MRPL16: variants seen among roughly 807,000 people sequenced by gnomAD.
The protein encoded by MRPL16 is large ribosomal subunit protein uL16m.
Under a neutral mutation model 22.7 loss-of-function variants are expected in MRPL16, and 17 were observed. That is an observed-to-expected ratio of 0.75 (90% CI 0.51 to 1.12). The LOEUF (loss-of-function observed/expected upper bound fraction) is 1.12. MRPL16 is among the 50% of genes most tolerant of loss of function. MRPL16 has a pLI of 0.00. For synonymous variants in MRPL16, 103 were observed against 112.8 expected, an observed-to-expected ratio of 0.91 and a Z score of 0.55; for missense variants, 316 against 328.7, an observed-to-expected ratio of 0.96 and a Z score of 0.30.
At chr11:59,806,883 A>G in intron 3 of MRPL16, 51 bp from the exon 4 acceptor site, 1 of 1,560,718 alleles carries the variant, frequency 6.4e-7, no homozygotes, top group Non-Finnish European at 8.7e-7. Flanking sequence ...GACATCATCT[A>G]TGGGCTCATT....
intron 1 of MRPL16, chr11:59,810,380 C>G: frequency 7.2e-7 from 1 of 1,393,194 alleles, no homozygotes; most frequent in Non-Finnish European, 9.3e-7. Flanking sequence ...AAGGCTCAGG[C>G]TCCGCAAAAG....
At position 59,807,782 on chromosome 11, in the gene MRPL16, TCTTA is replaced by T; in HGVS notation, c.185_188del (p.Val62GlufsTer7). On this transcript the variant is annotated frameshift_variant, in exon 3 of 4. Coordinates refer to ENST00000300151, the MANE Select transcript of MRPL16 (RefSeq NM_017840.4). LOFTEE classifies it high-confidence loss of function. The stretch of plus-strand genomic sequence containing the variant: ...TGTCACTTAAATTTTTAGGTTCTCT[TCTTA>T]CTTTTGGCACAAGTGGTGCCCTTTC... 6.2e-7 allele frequency: 1 copy of T among 1,613,760 alleles called. No homozygotes were observed. Among genetic ancestry groups the T allele is most frequent in the Non-Finnish European group, 8.5e-7 (1 of 1,179,828 alleles).
intron 2 of MRPL16, chr11:59,808,645 T>A (rs575587555): frequency 6.6e-6 from 1 of 152,348 alleles, no homozygotes; most frequent in East Asian, 1.9e-4. Flanking sequence ...CCTCTCTGGA[T>A]GTTAATGGGG....
At chr11:59,807,179 A>G (rs962391654) in intron 3 of MRPL16, 4 of 248,052 alleles carry the variant, frequency 1.6e-5, no homozygotes, top group African/African-American at 4.5e-5. Context: ...ACAGAAGCCA[A>G]TGTGGCTGGA....
rs1866093402 is a variant in MRPL16 at position 59,806,501 on chromosome 11, T to C, written c.602A>G (p.Asp201Gly). 2 of 1,614,130 alleles carry C rather than the reference T, an allele frequency of 1.2e-6. No individual in the cohort carries two copies. Among genetic ancestry groups the C allele is most frequent in the African/African-American group, 2.7e-5 (2 of 74,950 alleles). ...GTTGTTACGTTCTCTTTCCTCTTGA[T>C]CTTTTCGCATCTTCTCTAGAGTCCC... ...SRGTLEKMRKDQEERERNNQN... is the reference protein window; with the variant it reads ...SRGTLEKMRKGQEERERNNQN... Residue 201 changes from aspartate to glycine, a missense_variant, in exon 4 of 4, where the codon GAT becomes GGT. Transcript: ENST00000300151.
intron 2 of MRPL16, 149 bp downstream of exon 2, chr11:59,809,706 T>C (rs889152398): frequency 5.2e-6 from 4 of 769,790 alleles, no homozygotes; most frequent in Middle Eastern, 3.6e-4. Context: ...CTCAGAATAT[T>C]AGTTGGCAAA....
Position 59,806,329 on chromosome 11 carries a change from A to C in MRPL16, c.*18T>G. 2 of 1,609,506 alleles carry C rather than the reference A, an allele frequency of 1.2e-6. No individual in the cohort carries two copies. Among genetic ancestry groups the C allele is most frequent in the Non-Finnish European group, 8.5e-7 (1 of 1,176,516 alleles). Reference sequence around the variant, plus strand: ...ATCCTTCTTTCAGTAGCCTATATACAGTTATCTCCTACACTCACTACACAC... The same window carrying C: ...ATCCTTCTTTCAGTAGCCTATATACCGTTATCTCCTACACTCACTACACAC... On this transcript the variant is annotated 3_prime_UTR_variant, in exon 4 of 4. Coordinates refer to ENST00000300151, the MANE Select transcript of MRPL16 (RefSeq NM_017840.4).
chr11:59,810,049 A>T (rs1866157443), intron 1 of MRPL16, 129 bp from the exon 2 acceptor site: 1 of 812,030 alleles, frequency 1.2e-6, no homozygotes. Flanking sequence ...TCTGTCGCCC[A>T]GGATCCAGTG....
At chr11:59,810,512 G>C (rs1478167576) in intron 1 of MRPL16, 92 bp downstream of exon 1, 1 of 1,581,966 alleles carries the variant, frequency 6.3e-7, no homozygotes, top group Non-Finnish European at 8.6e-7. Context: ...CCAAGCATAT[G>C]CAGAGCCGCC....
Position 59,807,246 on chromosome 11 carries a change from T to C in MRPL16, c.271-414A>G, listed in dbSNP as rs535536840. 1.7e-3 allele frequency: 317 copies of C among 187,316 alleles called. 1 individual carries two copies. Among genetic ancestry groups the C allele is most frequent in the Non-Finnish European group, 3.1e-3 (274 of 89,354 alleles). The allele number at this position is 187,316 out of a possible 1,614,324, so 11.6% of individuals were successfully genotyped here. A position where few individuals can be genotyped will look rare whatever the true frequency, so the allele number is the denominator to read the frequency against. On this transcript the variant is annotated intron_variant, in intron 3 of 3. Transcript: ENST00000300151. The stretch of plus-strand genomic sequence containing the variant: ...GGTTCTGAGAGGTCAGTGGGGGTGA[T>C]TATGTAGGCTGCAGGAAGAGGACTT...
rs1359217474 is a variant in MRPL16, at chr11:59,806,786, C to G, written c.317G>C (p.Arg106Pro). The part of the protein sequence containing the change: ...YLHWGHFEMM[R>P]LTINRSMDPK... Reference sequence around the variant, plus strand: ...GTCCATAGAGCGGTTGATTGTCAGGCGCATCATTTCAAAGTGGCCCCAATG... The same window carrying G: ...GTCCATAGAGCGGTTGATTGTCAGGGGCATCATTTCAAAGTGGCCCCAATG... Residue 106 changes from arginine to proline, a missense_variant, in exon 4 of 4, where the codon CGC becomes CCC. Physicochemically the swap from Arg to Pro is moderately radical, Grantham distance 103 (BLOSUM62 -2). Coordinates refer to ENST00000300151, the MANE Select transcript of MRPL16 (RefSeq NM_017840.4). 6.2e-7 allele frequency: 1 copy of G among 1,612,340 alleles called. No homozygotes were observed. The highest frequency in any genetic ancestry group is 8.5e-7 in the Non-Finnish European group (1 of 1,178,432).
chr11:59,806,497 T>C lies in MRPL16; in HGVS notation c.606A>G (p.Gln202=). 2 of 1,614,258 alleles carry C rather than the reference T, an allele frequency of 1.2e-6. No homozygotes were observed. Among genetic ancestry groups the C allele is most frequent in the Non-Finnish European group, 1.7e-6 (2 of 1,180,044 alleles). Residue 202 remains glutamine, a synonymous_variant, in exon 4 of 4, where the codon CAA becomes CAG. Coordinates refer to ENST00000300151, the MANE Select transcript of MRPL16 (RefSeq NM_017840.4). ...RGTLEKMRKD[Q]EERERNNQNP... ...TCTGGTTGTTACGTTCTCTTTCCTC[T>C]TGATCTTTTCGCATCTTCTCTAGAG...
chr11:59,809,577 C>T (rs1866152031), intron 2 of MRPL16: 2 of 376,680 alleles, frequency 5.3e-6, no homozygotes, highest in Non-Finnish European at 9.5e-6. Flanking sequence ...TGACTACTGG[C>T]TGAGTGGACC....
Position 59,809,865 on chromosome 11 carries a change from T to C in MRPL16, c.111A>G (p.Pro37=). Residue 37 remains proline (P), a synonymous_variant, in exon 2 of 4, where the codon CCA becomes CCG. Transcript: ENST00000300151. ...AAGACAAGCTCTCACCTTCAAAACT[T>C]GGTACTGGGAGCAGTGTCTTTACGC... is the stretch of plus-strand genomic sequence containing the variant. ...SAGVKTLLPV[P]SFEDVSIPEK... 1 of 1,612,988 alleles carries C rather than the reference T, an allele frequency of 6.2e-7. No individual in the cohort carries two copies. Among genetic ancestry groups the C allele is most frequent in the Non-Finnish European group, 8.5e-7 (1 of 1,179,528 alleles).
At chr11:59,810,476 T>C (rs1866162668) in intron 1 of MRPL16, 128 bp downstream of exon 1, 4 of 1,507,014 alleles carry the variant, frequency 2.7e-6, no homozygotes, top group Non-Finnish European at 2.7e-6. Flanking sequence ...GGCGGTGCGA[T>C]AGCGTAGTTC....
chr11:59,806,543 G>T lies in MRPL16; in HGVS notation c.560C>A (p.Ala187Glu). ...DQVAHKLPFA[A>E]KAVSRGTLEK... ...TAGAGTCCCGCGGCTCACAGCCTTT[G>T]CTGCGAAGGGCAACTTGTGGGCAAC... Residue 187 changes from alanine to glutamate, a missense_variant, in exon 4 of 4, where the codon GCA becomes GAA. Physicochemically the swap from Ala to Glu is moderately radical, Grantham distance 107. Transcript: ENST00000300151. 1 of 1,614,230 alleles carries T rather than the reference G, an allele frequency of 6.2e-7. No homozygotes were observed. Among genetic ancestry groups the T allele is most frequent in the Non-Finnish European group, 8.5e-7 (1 of 1,180,046 alleles).
At chr11:59,810,122 C>T in intron 1 of MRPL16, 1 of 633,098 alleles carries the variant, frequency 1.6e-6, no homozygotes, top group Non-Finnish European at 2.4e-6. Flanking sequence ...TCTCCTGCCT[C>T]AGCCTCCGGA....
In MRPL16 at chr11:59,806,295, A is replaced by G; in HGVS notation, c.*52T>C. The G allele has an allele frequency of 6.4e-7, 1 of 1,574,644 alleles. No individual in the cohort carries two copies. The highest frequency in any genetic ancestry group is 8.6e-7 in the Non-Finnish European group (1 of 1,156,112). On this transcript the variant is annotated 3_prime_UTR_variant, in exon 4 of 4. Transcript: ENST00000300151. ...TCAGTGGGTAGGCTGAGGGGAATAG[A>G]AATGCAGAATCCTTCTTTCAGTAGC... is the stretch of plus-strand genomic sequence containing the variant.
At position 59,807,864 on chromosome 11, in the gene MRPL16, G is replaced by C. The variant is rs990774483; in HGVS notation, c.122-15C>G. On this transcript the variant is annotated splice_polypyrimidine_tract_variant and intron_variant, in intron 2 of 3. Transcript: ENST00000300151. ...AATGGAAACATCTAAAAGAAGCACAGACAACCAGGATAAAGTAAAACTATA... is the reference window on the plus strand; with the variant it reads ...AATGGAAACATCTAAAAGAAGCACACACAACCAGGATAAAGTAAAACTATA... The C allele has an allele frequency of 1.3e-6, 2 of 1,596,118 alleles. No homozygotes were observed. Among genetic ancestry groups the C allele is most frequent in the Non-Finnish European group, 1.7e-6 (2 of 1,172,200 alleles).
Sources: gnomAD v4.1 joint callset for allele counts on GRCh38, gnomAD v4.1.1 for gene constraint, MANE v1.5 for transcripts, NCBI Gene and HGNC (gene_info 2026-07-23, HGNC 2026-07-21) for gene names.